USP49: variants seen among roughly 807,000 people sequenced by gnomAD.
USP49 encodes the protein ubiquitin specific peptidase 49.
USP49 carries 24 observed loss-of-function variants against 58.6 expected under a neutral mutation model. The observed-to-expected ratio is 0.41, with a 90% CI of 0.30 to 0.58. USP49 has a LOEUF of 0.58. Among genes scored for constraint, USP49 ranks in the 20% least tolerant of loss-of-function variants. The pLI is 0.30. For synonymous variants in USP49, 408 were observed against 365.1 expected, an observed-to-expected ratio of 1.12 and a Z score of -1.34; for missense variants, 703 against 866.1, an observed-to-expected ratio of 0.81 and a Z score of 2.36.
chr6:41,876,692 G>A (rs555186820), intron 2 of USP49, among the ~76,000 whole-genome samples: 4 of 152,300 alleles, frequency 2.6e-5, no homozygotes, highest in Non-Finnish European at 4.4e-5. Context: ...GATTACAGGC[G>A]TGAGCCACCG....
intron 3 of USP49, among the ~76,000 whole-genome samples, chr6:41,822,641 A>G (rs1773471393): frequency 6.6e-6 from 1 of 152,142 alleles, no homozygotes; most frequent in African/African-American, 2.4e-5. Context: ...AGGTCAAGAA[A>G]TCAAGACCAT....
At chr6:41,802,467 TA>T (rs1472165085) in intron 5 of USP49, among the ~76,000 whole-genome samples, 5,773 of 86,652 alleles carry the variant, frequency 0.067, 310 homozygotes, top group South Asian at 0.081. Context: ...TTTATTTATT[TA>T]TTTTTTATTT....
intron 3 of USP49, among the ~76,000 whole-genome samples, chr6:41,853,825 C>T (rs147284893): frequency 1.4e-5 from 2 of 144,774 alleles, no homozygotes; most frequent in Non-Finnish European, 3.0e-5. Flanking sequence ...GGAGAAAGCC[C>T]GTCTCTACTA....
intron 6 of USP49, among the ~76,000 whole-genome samples, chr6:41,799,399 G>A (rs1465527881): frequency 1.3e-5 from 2 of 152,228 alleles, no homozygotes; most frequent in Non-Finnish European, 2.9e-5. Context: ...GAGCCACTGC[G>A]CCTGGCCCAT....
intron 3 of USP49, among the ~76,000 whole-genome samples, chr6:41,854,900 G>T (rs1195933198): frequency 6.6e-6 from 1 of 152,062 alleles, no homozygotes; most frequent in Non-Finnish European, 1.5e-5. Context: ...AGCCTCCTGA[G>T]TAGCTGGGAC....
chr6:41,819,205 G>A (rs1052857283), intron 3 of USP49, among the ~76,000 whole-genome samples: 3 of 152,018 alleles, frequency 2.0e-5, no homozygotes, highest in African/African-American at 7.2e-5. Flanking sequence ...AAACCTGTAA[G>A]GGGAAACCCA....
intron 2 of USP49, among the ~76,000 whole-genome samples, chr6:41,877,978 C>T (rs1774532092): frequency 6.6e-6 from 1 of 152,108 alleles, no homozygotes. Flanking sequence ...CCAGGCTGGC[C>T]TTGAACTCCA....
chr6:41,875,646 T>C (rs1472806792), intron 2 of USP49, among the ~76,000 whole-genome samples: 1 of 152,208 alleles, frequency 6.6e-6, no homozygotes, highest in Non-Finnish European at 1.5e-5. Flanking sequence ...ATCCACTCCA[T>C]TATTTTACTA....
At chr6:41,802,285 G>A (rs1773014348) in intron 5 of USP49, among the ~76,000 whole-genome samples, 1 of 151,702 alleles carries the variant, frequency 6.6e-6, no homozygotes, top group African/African-American at 2.4e-5. Flanking sequence ...GCCTCCCAAA[G>A]TGTTGGGATT....
intron 3 of USP49, among the ~76,000 whole-genome samples, chr6:41,861,362 G>A (rs1407663433): frequency 2.0e-5 from 3 of 151,640 alleles, no homozygotes; most frequent in South Asian, 2.1e-4. Context: ...AAAATCGCTC[G>A]AACCCAGGAG....
At chr6:41,880,596 G>A (rs922143258) in intron 2 of USP49, among the ~76,000 whole-genome samples, 1 of 152,136 alleles carries the variant, frequency 6.6e-6, no homozygotes, top group African/African-American at 2.4e-5. Flanking sequence ...ATAGAGTGAT[G>A]CCTGATAAAG....
intron 3 of USP49, among the ~76,000 whole-genome samples, chr6:41,817,897 TGAGCCACTTCACC>T (rs773535080): frequency 6.6e-6 from 1 of 152,232 alleles, no homozygotes; most frequent in Admixed American, 6.5e-5. Context: ...ATTACAGGCA[TGAGCCACTTCACC>T]GGGCCACTCC....
intron 7 of USP49, among the ~76,000 whole-genome samples, chr6:41,797,249 C>G (rs903161046): frequency 6.6e-6 from 1 of 151,976 alleles, no homozygotes; most frequent in Admixed American, 6.6e-5. Context: ...CGTGAGCCAC[C>G]GCACCCAGCC....
intron 3 of USP49, among the ~76,000 whole-genome samples, chr6:41,827,085 A>G (rs942318302): frequency 2.6e-5 from 4 of 152,230 alleles, no homozygotes; most frequent in Non-Finnish European, 5.9e-5. Context: ...AGAGAATGTA[A>G]TAACAACCAA....
chr6:41,806,031 C>T lies in USP49; in HGVS notation c.953G>A (p.Arg318Lys), dbSNP rs1336767514. ...TNSSATELSL[R>K]NDRAEACERE... The stretch of plus-strand genomic sequence containing the variant: ...CTCGCATGCCTCGGCCCTGTCATTT[C>T]TCAAGGACAGCTCCGTGGCCGAGCT... The change falls in exon 4 of 8, where the codon AGA becomes AAA. Residue 318 changes from arginine (R) to lysine (K), a missense_variant. By Grantham distance (26) the Arg-to-Lys change is conservative (BLOSUM62 2). Transcript: ENST00000682992. The surrounding 1 kb of genome is among the most constrained non-coding windows in gnomAD (Gnocchi z 5.9). 1.9e-6 allele frequency: 3 copies of T among 1,613,940 alleles called. No homozygotes were observed. Among genetic ancestry groups the T allele is most frequent in the Non-Finnish European group, 1.7e-6 (2 of 1,180,058 alleles).
chr6:41,839,559 T>C (rs1389694635), intron 3 of USP49, among the ~76,000 whole-genome samples: 1 of 136,510 alleles, frequency 7.3e-6, no homozygotes, highest in Non-Finnish European at 1.6e-5. Context: ...TAAAATAAAT[T>C]GAAACAAAAA....
intron 2 of USP49, among the ~76,000 whole-genome samples, chr6:41,884,585 C>G (rs1394507753): frequency 6.6e-6 from 1 of 152,142 alleles, no homozygotes; most frequent in Non-Finnish European, 1.5e-5. Flanking sequence ...GAGGGCTGAA[C>G]AGAAGGCCTT....
chr6:41,821,834 G>T (rs1480739900), intron 3 of USP49, among the ~76,000 whole-genome samples: 1 of 152,102 alleles, frequency 6.6e-6, no homozygotes, highest in Non-Finnish European at 1.5e-5. Context: ...TCTCACTGTA[G>T]TCTCAGCAAA....
Position 41,892,325 on chromosome 6 carries a change from C to T in USP49, c.-184-450G>A, listed in dbSNP as rs138492340. Among the ~76,000 whole-genome samples, 382 of 152,268 alleles carry T rather than the reference C, an allele frequency of 2.5e-3. 3 individuals carry two copies. Among genetic ancestry groups the T allele is most frequent in the African/African-American group, 8.7e-3 (362 of 41,532 alleles). On this transcript the variant is annotated intron_variant, in intron 1 of 7. Transcript: ENST00000682992. ...AAACATGGCAATACCATACAGAGTA[C>T]GTCCTACTACTAACGCCAGCCCAAA... is the stretch of plus-strand genomic sequence containing the variant.
Sources: allele counts gnomAD v4.1 joint callset (sites outside exome capture counted in the v4.1 genomes callset), GRCh38; gene constraint gnomAD v4.1.1; non-coding constraint Gnocchi (gnomAD v3.1); transcripts MANE v1.5; gene names NCBI Gene and HGNC (gene_info 2026-07-23, HGNC 2026-07-21).